The following NEDD4 variants were observed in gnomAD, a reference collection of about 807,000 sequenced individuals.
NEDD4 encodes the protein E3 ubiquitin-protein ligase NEDD4.
Under a neutral mutation model 144.9 loss-of-function variants are expected in NEDD4, and 99 were observed. The observed-to-expected ratio is 0.68, with a 90% CI of 0.58 to 0.81. The LOEUF (loss-of-function observed/expected upper bound fraction) is 0.81, where lower values mean the gene tolerates loss of function less well. Ranked by LOEUF, NEDD4 falls within the 30% of genes least tolerant of loss-of-function variation. NEDD4 has a pLI of 0.00. For synonymous variants in NEDD4, 318 were observed against 350.6 expected, an observed-to-expected ratio of 0.91 and a Z score of 1.04; for missense variants, 985 against 1,065.9, an observed-to-expected ratio of 0.92 and a Z score of 1.06.
At chr15:55,831,563 A>G (rs1219906937) in intron 27 of NEDD4, among the ~76,000 whole-genome samples, 2 of 152,206 alleles carry the variant, frequency 1.3e-5, no homozygotes, top group African/African-American at 4.8e-5. Context: ...GAAAGAGGCT[A>G]TCAAGTCCAA....
At chr15:55,839,415 G>A (rs2033364816) in intron 21 of NEDD4, among the ~76,000 whole-genome samples, 1 of 152,004 alleles carries the variant, frequency 6.6e-6, no homozygotes, top group Non-Finnish European at 1.5e-5. Context: ...TAAATATAGA[G>A]GCTCAATGAA....
At chr15:55,977,527 A>C (rs2037726208) in intron 1 of NEDD4, among the ~76,000 whole-genome samples, 1 of 152,206 alleles carries the variant, frequency 6.6e-6, no homozygotes, top group Non-Finnish European at 1.5e-5. Context: ...CCATATGGTA[A>C]ATTAACACAA....
chr15:55,923,645 C>CAA lies in NEDD4; in HGVS notation c.291+999_291+1000dup, dbSNP rs767874914. On this transcript the variant is annotated intron_variant, in intron 5 of 28. Transcript: ENST00000435532. ...CTGGCGACAAAGCGAGACTCCATCT[C>CAA]AAAAAAAAAAAAAAATATATATATA... is the stretch of plus-strand genomic sequence containing the variant. Among the ~76,000 whole-genome samples the CAA allele has an allele frequency of 2.7e-3, 334 of 123,284 alleles. 2 individuals are homozygous for CAA. Among genetic ancestry groups the CAA allele is most frequent in the Non-Finnish European group, 4.2e-3 (255 of 60,400 alleles). The allele number at this position is 123,284 out of a possible 152,430, so 80.9% of individuals were successfully genotyped here.
intron 13 of NEDD4, among the ~76,000 whole-genome samples, chr15:55,852,006 G>A (rs1401526563): frequency 2.0e-5 from 3 of 151,816 alleles, no homozygotes; most frequent in Admixed American, 6.6e-5. Context: ...ATAATTAGAA[G>A]ATGCTATGAC....
chr15:55,917,924 G>A (rs193159969), intron 5 of NEDD4, among the ~76,000 whole-genome samples: 1 of 152,036 alleles, frequency 6.6e-6, no homozygotes, highest in Admixed American at 6.6e-5. Context: ...AGAGTGTTGT[G>A]GTAAGTAAAG....
intron 5 of NEDD4, among the ~76,000 whole-genome samples, chr15:55,914,812 G>T (rs2036383605): frequency 6.6e-6 from 1 of 151,744 alleles, no homozygotes; most frequent in Non-Finnish European, 1.5e-5. Flanking sequence ...ATGGGTTTTT[G>T]TTTAATATTT....
intron 1 of NEDD4, among the ~76,000 whole-genome samples, chr15:55,981,080 C>T (rs2037794616): frequency 6.6e-6 from 1 of 150,846 alleles, no homozygotes. Flanking sequence ...CCTCTGTCGC[C>T]CAGGCTGGAG....
Position 55,979,339 on chromosome 15 carries a change from C to CTTTT in NEDD4, c.46-12797_46-12794dup, listed in dbSNP as rs71110358. On this transcript the variant is annotated intron_variant, in intron 1 of 28. Transcript: ENST00000435532. ...AATAAGATCATGAAAGTTTTTACCT[C>CTTTT]TTTTTTTTTTTTTTTTTTTTTTTTT... is the stretch of plus-strand genomic sequence containing the variant. Among the ~76,000 whole-genome samples the CTTTT allele has an allele frequency of 1.1e-3, 70 of 66,054 alleles. 1 individual carries two copies. The highest frequency in any genetic ancestry group is 1.3e-3 in the Non-Finnish European group (47 of 37,336). 43.3% of individuals were successfully genotyped at this position (66,054 alleles called of 152,430 possible). A position where few individuals can be genotyped will look rare whatever the true frequency, so the allele number is the denominator to read the frequency against.
chr15:55,869,050 A>G lies in NEDD4; in HGVS notation c.507+529T>C, dbSNP rs192100828. 4.1e-4 allele frequency among the ~76,000 whole-genome samples: 63 copies of G among 152,236 alleles called. 1 individual carries two copies. The highest frequency in any genetic ancestry group is 1.3e-3 in the African/African-American group (54 of 41,550). On this transcript the variant is annotated intron_variant, in intron 8 of 28. Transcript: ENST00000435532. ...CTCCAGATGCATGTAACTCTACACA[A>G]ATCTTGACTTGGACTTTCCTCTCAT...
chr15:55,922,008 CA>C (rs1350407482), intron 5 of NEDD4, among the ~76,000 whole-genome samples: 1 of 152,156 alleles, frequency 6.6e-6, no homozygotes, highest in African/African-American at 2.4e-5. Context: ...AATGATCAGG[CA>C]AAATTCACAT....
chr15:55,839,971 C>A (rs2033391504), intron 21 of NEDD4, among the ~76,000 whole-genome samples: 2 of 13,720 alleles, frequency 1.5e-4, no homozygotes, highest in Non-Finnish European at 1.2e-4. Context: ...GACACTCTGT[C>A]TCAAAAAAAA....
At chr15:55,942,955 T>C (rs2037034975) in intron 4 of NEDD4, among the ~76,000 whole-genome samples, 1 of 152,194 alleles carries the variant, frequency 6.6e-6, no homozygotes, top group South Asian at 2.1e-4. Context: ...AAGGAATCTT[T>C]TGGGAACTGA....
At chr15:55,954,182 T>C (rs2037296500) in intron 2 of NEDD4, among the ~76,000 whole-genome samples, 1 of 152,182 alleles carries the variant, frequency 6.6e-6, no homozygotes, top group African/African-American at 2.4e-5. Flanking sequence ...TTTATGTTTT[T>C]AGATACTACT....
chr15:55,893,312 G>T (rs2035630895), intron 5 of NEDD4, among the ~76,000 whole-genome samples: 1 of 151,756 alleles, frequency 6.6e-6, no homozygotes, highest in Non-Finnish European at 1.5e-5. Context: ...TAATTCTAAA[G>T]ACAAGAATTG....
chr15:55,923,108 T>C (rs1253597859), intron 5 of NEDD4, among the ~76,000 whole-genome samples: 2 of 151,902 alleles, frequency 1.3e-5, no homozygotes, highest in African/African-American at 4.8e-5. Context: ...AGCTTGAACC[T>C]GGGAGGCAGA....
intron 7 of NEDD4, among the ~76,000 whole-genome samples, chr15:55,870,740 GC>G (rs750558430): frequency 1.3e-5 from 2 of 151,818 alleles, no homozygotes; most frequent in Non-Finnish European, 2.9e-5. Flanking sequence ...TTGCCATGTT[GC>G]CCAGGCTGGT....
chr15:55,932,380 G>C (rs1035275547), intron 4 of NEDD4, among the ~76,000 whole-genome samples: 1 of 151,698 alleles, frequency 6.6e-6, no homozygotes, highest in African/African-American at 2.4e-5. Context: ...CTACAACCAT[G>C]TGATCTTTGA....
intron 2 of NEDD4, among the ~76,000 whole-genome samples, chr15:55,963,190 G>A (rs1463940068): frequency 4.0e-5 from 6 of 148,300 alleles, no homozygotes; most frequent in African/African-American, 1.5e-4. Context: ...GGAGTGCAGT[G>A]GCAAAATCAT....
intron 5 of NEDD4, among the ~76,000 whole-genome samples, chr15:55,919,853 G>A (rs1226510896): frequency 6.6e-6 from 1 of 152,120 alleles, no homozygotes; most frequent in African/African-American, 2.4e-5. Context: ...GAACTTTGAA[G>A]GCCAAAGTCA....
Sources: gnomAD v4.1 joint callset for allele counts (sites outside exome capture counted in the v4.1 genomes callset) on GRCh38, gnomAD v4.1.1 for gene constraint, MANE v1.5 for transcripts, NCBI Gene and HGNC (gene_info 2026-07-23, HGNC 2026-07-21) for gene names.